The following RBM39 variants were observed in gnomAD, a reference collection of about 807,000 sequenced individuals.
RBM39 encodes RNA-binding protein 39.
In RBM39, 12 loss-of-function variants were observed where a neutral mutation model predicts 79.6. That is an observed-to-expected ratio of 0.15 (90% CI 0.10 to 0.24). RBM39 has a LOEUF of 0.24. Ranked by LOEUF, RBM39 falls within the 10% of genes least tolerant of loss-of-function variation. RBM39 has a pLI of 1.00. For missense variants in RBM39, 243 were observed against 653.4 expected (o/e 0.37, Z 6.85); for synonymous variants, 185 against 208.4 (o/e 0.89, Z 0.97).
chr20:35,714,287 C>A lies in RBM39; in HGVS notation c.994G>T (p.Ala332Ser). The change falls in exon 11 of 17, where the codon GCT becomes TCT. Residue 332 changes from alanine (A) to serine (S), a missense_variant. Ala to Ser is a moderately conservative substitution (Grantham distance 99). Coordinates refer to ENST00000253363, the MANE Select transcript of RBM39 (RefSeq NM_184234.3). ...KVGHVTERTD[A>S]SSASSFLDSD... is the part of the protein sequence containing the mutation. ...TCCAAAAATGAACTAGCACTCGAAG[C>A]ATCAGTACGTTCAGTAACATGACCA... 6.2e-7 allele frequency: 1 copy of A among 1,614,102 alleles called. No homozygotes were observed. Among genetic ancestry groups the A allele is most frequent in the African/African-American group, 1.3e-5 (1 of 75,042 alleles).
Position 35,701,624 on chromosome 20 carries a change from C to G in RBM39, c.*2857G>C, listed in dbSNP as rs888811742. ...AAAACTTAAGCCGGGTGTGTTGACA[C>G]GCGCCTGTATTCCCAGCTACTCGGG... On this transcript the variant is annotated 3_prime_UTR_variant, in exon 17 of 17. Coordinates refer to ENST00000253363, the MANE Select transcript of RBM39 (RefSeq NM_184234.3). 2 of 152,060 alleles carry G rather than the reference C, an allele frequency of 1.3e-5. No homozygotes were observed. Among genetic ancestry groups the G allele is most frequent in the Non-Finnish European group, 2.9e-5 (2 of 68,080 alleles). The allele number at this position is 152,060 out of a possible 1,614,324, so 9.4% of individuals were successfully genotyped here.
At chr20:35,722,051 A>C (rs2038006038) in intron 8 of RBM39, among the ~76,000 whole-genome samples, 174 bp from the exon 9 acceptor site, 1 of 152,164 alleles carries the variant, frequency 6.6e-6, no homozygotes, top group African/African-American at 2.4e-5. Context: ...CAAAATTCAG[A>C]AAGAGGAGGT....
chr20:35,712,058 C>A (rs1272371210), intron 12 of RBM39, among the ~76,000 whole-genome samples: 1 of 151,942 alleles, frequency 6.6e-6, no homozygotes, highest in African/African-American at 2.4e-5. Flanking sequence ...CTCCATCCCC[C>A]ACCAACAAAA....
Position 35,703,179 on chromosome 20 carries a change from T to C in RBM39, c.*1302A>G, listed in dbSNP as rs2146458265. On this transcript the variant is annotated 3_prime_UTR_variant, in exon 17 of 17. Coordinates refer to ENST00000253363, the MANE Select transcript of RBM39 (RefSeq NM_184234.3). ...TGAGTATAAATGGTGACAGCTTGCT[T>C]CCCAACTAGTATGAAAGCTCAAAAC... The C allele has an allele frequency of 6.6e-6, 1 of 152,236 alleles. No homozygotes were observed. The highest frequency in any genetic ancestry group is 2.1e-4 in the South Asian group (1 of 4,822). 9.4% of individuals were successfully genotyped at this position (152,236 alleles called of 1,614,324 possible). A position where few individuals can be genotyped will look rare whatever the true frequency, so the allele number is the denominator to read the frequency against.
chr20:35,706,004 C>G (rs1387792402), intron 14 of RBM39, among the ~76,000 whole-genome samples: 1 of 152,108 alleles, frequency 6.6e-6, no homozygotes, highest in Admixed American at 6.6e-5. Flanking sequence ...GAGTTCAAGA[C>G]CAGCCTGGCC....
intron 2 of RBM39, 157 bp from the exon 3 acceptor site, chr20:35,739,174 G>T (rs2040278856): frequency 4.3e-6 from 3 of 694,594 alleles, no homozygotes; most frequent in Non-Finnish European, 7.5e-6. Context: ...AATTTAGATG[G>T]GTATGTGTTT....
At chr20:35,709,332 A>C (rs1257279283) in intron 12 of RBM39, 58 bp from the exon 13 acceptor site, 5 of 1,426,228 alleles carry the variant, frequency 3.5e-6, no homozygotes, top group Non-Finnish European at 4.8e-6. Flanking sequence ...ATGTCAGGAA[A>C]GCATTAATAA....
chr20:35,729,851 A>C (rs35571890), intron 4 of RBM39, among the ~76,000 whole-genome samples: 5,407 of 124,116 alleles, frequency 0.044, 133 homozygotes, highest in African/African-American at 0.078. Context: ...ATTAAAAAAA[A>C]AAAAACACAC....
chr20:35,703,522 G>A lies in RBM39; in HGVS notation c.*959C>T, dbSNP rs776056222. 1 of 152,304 alleles carries A rather than the reference G, an allele frequency of 6.6e-6. No homozygotes were observed. The highest frequency in any genetic ancestry group is 1.5e-5 in the Non-Finnish European group (1 of 68,038). The allele number at this position is 152,304 out of a possible 1,614,324, so 9.4% of individuals were successfully genotyped here. A position where few individuals can be genotyped will look rare whatever the true frequency, so the allele number is the denominator to read the frequency against. On this transcript the variant is annotated 3_prime_UTR_variant, in exon 17 of 17. Transcript: ENST00000253363. The stretch of plus-strand genomic sequence containing the variant: ...GCAGACTCGGAACATTTTCCCAAGA[G>A]GCAAGTACTGAATTGAGACTAAAAG...
intron 12 of RBM39, chr20:35,710,571 T>C (rs1445161407): frequency 2.6e-5 from 4 of 152,186 alleles, no homozygotes; most frequent in Non-Finnish European, 5.9e-5. Flanking sequence ...TAACCTATTT[T>C]AGAAAGGGCC....
At chr20:35,740,310 T>C (rs1173803059) in intron 2 of RBM39, 2 of 306,294 alleles carry the variant, frequency 6.5e-6, no homozygotes, top group Non-Finnish European at 1.3e-5. Flanking sequence ...CTTACATAGA[T>C]ACATAAATTT....
rs368515113 is a variant in RBM39, at chr20:35,725,026, G to T, written c.534+12C>A. Reference sequence around the variant, plus strand: ...TCTACCTACTTGACCTCCCTAAACAGGTTAAGATTACCTTTCCTACTGTAG... The same window carrying T: ...TCTACCTACTTGACCTCCCTAAACATGTTAAGATTACCTTTCCTACTGTAG... On this transcript the variant is annotated intron_variant, in intron 7 of 16. Coordinates refer to ENST00000253363, the MANE Select transcript of RBM39 (RefSeq NM_184234.3). 11 of 1,576,574 alleles carry T rather than the reference G, an allele frequency of 7.0e-6. No individual in the cohort carries two copies. In the South Asian group the frequency reaches 1.2e-4, roughly 18 times the overall value.
chr20:35,729,324 T>C lies in RBM39; in HGVS notation c.404A>G (p.Lys135Arg). 2 of 1,599,372 alleles carry C rather than the reference T, an allele frequency of 1.3e-6. No individual in the cohort carries two copies. The highest frequency in any genetic ancestry group is 1.1e-5 in the South Asian group (1 of 88,270). ...SRSKSPFRKD[K>R]SPVREPIDNL... ...AGAAGTAAACTACCTCACAGGGCTC[T>C]TGTCTTTTCTGAATGGACTTTTGCT... is the stretch of plus-strand genomic sequence containing the variant. Residue 135 changes from lysine (K) to arginine (R), a missense_variant, in exon 6 of 17, where the codon AAG (lysine) becomes AGG (arginine). Lys to Arg is a conservative substitution (Grantham distance 26, BLOSUM62 2). Transcript: ENST00000253363.
At chr20:35,734,379 A>G (rs2039690598) in intron 3 of RBM39, 1 of 389,166 alleles carries the variant, frequency 2.6e-6, no homozygotes, top group African/African-American at 2.1e-5. Context: ...CAGATGGGCA[A>G]TAGGTAACAC....
chr20:35,721,986 A>T, intron 8 of RBM39, 109 bp from the exon 9 acceptor site: 1 of 1,277,238 alleles, frequency 7.8e-7, no homozygotes, highest in Non-Finnish European at 1.1e-6. Context: ...TAAAAATACT[A>T]CCCTACGTAA....
At chr20:35,707,278 CA>C (rs1480609477) in intron 13 of RBM39, 77 bp from the exon 14 acceptor site, 7 of 898,512 alleles carry the variant, frequency 7.8e-6, no homozygotes, top group Non-Finnish European at 8.5e-6. Context: ...AAAACGAAAC[CA>C]AAAACCCACC....
chr20:35,734,665 T>C, intron 3 of RBM39: 1 of 480,850 alleles, frequency 2.1e-6, no homozygotes, highest in Non-Finnish European at 3.4e-6. Context: ...CTTAAGGTCT[T>C]CTAGGACTTT....
In RBM39 at chr20:35,702,137, TACTA is replaced by T. The variant is rs1456529096; in HGVS notation, c.*2340_*2343del. The T allele has an allele frequency of 1.3e-5, 2 of 152,242 alleles. No homozygotes were observed. Among genetic ancestry groups the T allele is most frequent in the Non-Finnish European group, 2.9e-5 (2 of 68,038 alleles). The allele number at this position is 152,242 out of a possible 1,614,324, so 9.4% of individuals were successfully genotyped here. ...GCCCAGGCCACGCAGACCCTGGAGT[TACTA>T]ACCCGCATTGCCCATTAAGCATTTC... On this transcript the variant is annotated 3_prime_UTR_variant, in exon 17 of 17. Coordinates refer to ENST00000253363, the MANE Select transcript of RBM39 (RefSeq NM_184234.3).
intron 3 of RBM39, among the ~76,000 whole-genome samples, chr20:35,735,524 T>C (rs2039811064): frequency 1.3e-5 from 2 of 152,268 alleles, no homozygotes; most frequent in South Asian, 4.1e-4. Context: ...AATGTGGCTT[T>C]TAAGACAATG....
Sources: gnomAD v4.1 joint callset for allele counts (sites outside exome capture counted in the v4.1 genomes callset) on GRCh38, gnomAD v4.1.1 for gene constraint, MANE v1.5 for transcripts, NCBI Gene and HGNC (gene_info 2026-07-23, HGNC 2026-07-21) for gene names.